Variants in HCFC1 observed in about 807,000 individuals in gnomAD.
The protein encoded by HCFC1 is host cell factor C1.
HCFC1 carries 7 observed loss-of-function variants against 105.5 expected under a neutral mutation model. The ratio of observed to expected loss-of-function variants is 0.07; its 90% CI spans 0.04 to 0.12. The LOEUF (loss-of-function observed/expected upper bound fraction) is 0.12, where lower values mean the gene tolerates loss of function less well. Among genes scored for constraint, HCFC1 ranks in the 10% least tolerant of loss-of-function variants. The pLI is 1.00. For missense variants in HCFC1, 1,065 were observed against 1,823.6 expected (o/e 0.58, Z 7.58); for synonymous variants, 918 against 828.1 (o/e 1.11, Z -1.86).
rs1168794064 is a variant in HCFC1, at chrX:153,948,681, T to C, written c.*666A>G. The C allele has an allele frequency of 8.9e-6, 1 of 112,983 alleles. No individual in the cohort carries two copies. The highest frequency in any genetic ancestry group is 1.9e-5 in the Non-Finnish European group (1 of 53,317). The allele number at this position is 112,983 out of a possible 1,213,427, so 9.3% of individuals were successfully genotyped here. A position where few individuals can be genotyped will look rare whatever the true frequency, so the allele number is the denominator to read the frequency against. On this transcript the variant is annotated 3_prime_UTR_variant, in exon 26 of 26. Transcript: ENST00000310441. ...TGGCAGTGCGGCCTGCAGGGAGGTCTGCACAGGCGCTGCCCAGGCCGCCGC... is the reference window on the plus strand; with the variant it reads ...TGGCAGTGCGGCCTGCAGGGAGGTCCGCACAGGCGCTGCCCAGGCCGCCGC...
Position 153,956,778 on chromosome X carries a change from G to T in HCFC1, c.2497-15C>A, listed in dbSNP as rs1427689745. On this transcript the variant is annotated splice_polypyrimidine_tract_variant and intron_variant, in intron 14 of 25. Coordinates refer to ENST00000310441, the MANE Select transcript of HCFC1 (RefSeq NM_005334.3). ...TTAAGCACCACCTGGAACACCAGAG[G>T]AAAGTGCCACCAACGTCACCACCAG... 8.3e-7 allele frequency: 1 copy of T among 1,208,479 alleles called. No homozygotes were observed. The highest frequency in any genetic ancestry group is 1.7e-5 in the African/African-American group (1 of 57,234).
At chrX:153,956,594 G>T (rs2065379440) in intron 15 of HCFC1, 31 bp downstream of exon 15, 1 of 1,208,402 alleles carries the variant, frequency 8.3e-7, no homozygotes, top group Non-Finnish European at 1.1e-6. Context: ...TAATCTAGGG[G>T]TGGCAGGGGA....
intron 9 of HCFC1, 106 bp downstream of exon 9, chrX:153,959,225 G>A: frequency 1.2e-6 from 1 of 838,280 alleles, no homozygotes; most frequent in Non-Finnish European, 1.7e-6. Flanking sequence ...AAGGTGTGGG[G>A]TGCGTGGTAC....
chrX:153,963,145 C>T, intron 4 of HCFC1, 80 bp downstream of exon 4: 1 of 753,803 alleles, frequency 1.3e-6, no homozygotes, highest in South Asian at 2.2e-5. Flanking sequence ...CCTCACCATA[C>T]AACAGCGCCA....
In HCFC1 at chrX:153,948,944, A is replaced by C. The variant is rs1222733441; in HGVS notation, c.*403T>G. On this transcript the variant is annotated 3_prime_UTR_variant, in exon 26 of 26. Coordinates refer to ENST00000310441, the MANE Select transcript of HCFC1 (RefSeq NM_005334.3). ...CCCAGGCCAGGGTGCCAGGAAAGCC[A>C]CTCTGGGGAGGGCCAAGAGGGACGC... The C allele has an allele frequency of 8.5e-6, 1 of 118,102 alleles. No individual in the cohort carries two copies. The highest frequency in any genetic ancestry group is 1.7e-5 in the Non-Finnish European group (1 of 58,094). 9.7% of individuals were successfully genotyped at this position (118,102 alleles called of 1,213,427 possible). A position where few individuals can be genotyped will look rare whatever the true frequency, so the allele number is the denominator to read the frequency against.
rs782659828 is a variant in HCFC1 at position 153,960,340 on chromosome X, C to A, written c.979G>T (p.Ala327Ser). The A allele has an allele frequency of 8.3e-7, 1 of 1,203,146 alleles. No individual in the cohort carries two copies. The highest frequency in any genetic ancestry group is 1.8e-5 in the African/African-American group (1 of 56,749). The change falls in exon 7 of 26, where the codon GCA becomes TCA. Residue 327 changes from alanine to serine, a missense_variant. This residue lies in a region of HCFC1 where 18 missense variants were observed against 40.1 expected (regional missense o/e 0.45). Coordinates refer to ENST00000310441, the MANE Select transcript of HCFC1 (RefSeq NM_005334.3). ...TACAGGCGGGTGTTGATGGCGACTG[C>A]GCAGTGGCCAGCCCGAGCACGGGGG... ...NIPRARAGHC[A>S]VAINTRLYIW... is the part of the protein sequence containing the mutation.
Position 153,949,311 on chromosome X carries a change from G to T in HCFC1, c.*36C>A, listed in dbSNP as rs200977867. On this transcript the variant is annotated 3_prime_UTR_variant, in exon 26 of 26. Transcript: ENST00000310441. ...TGGCGGGTGTTCCTGAAGCAGGGGG[G>T]TCTGGAGAAGAATCCAGGGGCTAGT... 1.3e-5 allele frequency: 15 copies of T among 1,164,795 alleles called. No homozygotes were observed. In the South Asian group the frequency reaches 2.0e-4, roughly 15 times the overall value.
rs3027878 is a variant in HCFC1, at chrX:153,952,914, C to A, written c.4542G>T (p.Leu1514=). Residue 1514 remains leucine (L), a synonymous_variant, in exon 19 of 26, where the codon CTG becomes CTT. Transcript: ENST00000310441. The stretch of plus-strand genomic sequence containing the variant: ...CCGACTGCAGAAGCTGCCGTGGCGG[C>A]AGCTGCTGGCGAGGACCTGGCGACA... ...LQVSPGPRQQ[L]PPRQLLQSAS... 217,260 of 1,178,047 alleles carry A rather than the reference C, an allele frequency of 0.18. 21,618 individuals are homozygous for A. Among genetic ancestry groups the A allele is most frequent in the East Asian group, 0.74 (23,523 of 31,747 alleles).
In HCFC1 at chrX:153,971,740, C is replaced by G. The variant is rs917713501; in HGVS notation, c.-900G>C. The G allele has an allele frequency of 1.0e-5, 3 of 296,897 alleles. No individual in the cohort carries two copies. Among genetic ancestry groups the G allele is most frequent in the African/African-American group, 8.1e-5 (3 of 36,892 alleles). 24.5% of individuals were successfully genotyped at this position (296,897 alleles called of 1,213,427 possible). A position where few individuals can be genotyped will look rare whatever the true frequency, so the allele number is the denominator to read the frequency against. ...GCTTCAAAGAGCTAGAGTTAGGCCC[C>G]GAAGCGGCAACTGTACGGCAGAAGA... On this transcript the variant is annotated 5_prime_UTR_variant, in exon 1 of 26. Coordinates refer to ENST00000310441, the MANE Select transcript of HCFC1 (RefSeq NM_005334.3).
In HCFC1 at chrX:153,949,504, A is replaced by G. The variant is rs2065289414; in HGVS notation, c.6068+49T>C. 11 of 1,174,509 alleles carry G rather than the reference A, an allele frequency of 9.4e-6. No individual in the cohort carries two copies. In the Admixed American group the frequency reaches 2.4e-4, roughly 26 times the overall value. ...ATTTGACAAGAGGCTGAACCCAGCTATTTCCACCCCTAGTCTCAGAAGGTT... is the reference window on the plus strand; with the variant it reads ...ATTTGACAAGAGGCTGAACCCAGCTGTTTCCACCCCTAGTCTCAGAAGGTT... On this transcript the variant is annotated intron_variant, in intron 25 of 25. Coordinates refer to ENST00000310441, the MANE Select transcript of HCFC1 (RefSeq NM_005334.3).
intron 4 of HCFC1, 44 bp from the exon 5 acceptor site, chrX:153,962,350 A>G: frequency 1.0e-6 from 1 of 970,804 alleles, no homozygotes; most frequent in Non-Finnish European, 1.5e-6. Context: ...GGTAGACTGC[A>G]CACAGGTCGT....
Position 153,953,782 on chromosome X carries a change from ACAGG to A in HCFC1, c.4334-16_4334-13del. 8.4e-7 allele frequency: 1 copy of A among 1,194,360 alleles called. No homozygotes were observed. ...AGCAGGTGGGGGGTCTGTGGGGGCG[ACAGG>A]CAGGCGGCTGCTCAGCAGGAGCCCC... On this transcript the variant is annotated splice_polypyrimidine_tract_variant and intron_variant, in intron 17 of 25. Transcript: ENST00000310441.
chrX:153,963,152 G>T, intron 4 of HCFC1, 73 bp downstream of exon 4: 1 of 792,578 alleles, frequency 1.3e-6, no homozygotes, highest in Non-Finnish European at 1.9e-6. Context: ...ATACAACAGC[G>T]CCACCCACGG....
Position 153,947,875 on chromosome X carries a change from T to C in HCFC1, c.*1472A>G, listed in dbSNP as rs1335583767. Reference sequence around the variant, plus strand: ...GGAAAGATTGGCTGCTCGGTTCAAATCCTTCTGACTTGCTGGCAAGCCTTG... The same window carrying C: ...GGAAAGATTGGCTGCTCGGTTCAAACCCTTCTGACTTGCTGGCAAGCCTTG... On this transcript the variant is annotated 3_prime_UTR_variant, in exon 26 of 26. Transcript: ENST00000310441. 9.0e-6 allele frequency: 1 copy of C among 111,532 alleles called. No homozygotes were observed. 9.2% of individuals were successfully genotyped at this position (111,532 alleles called of 1,213,427 possible). A position where few individuals can be genotyped will look rare whatever the true frequency, so the allele number is the denominator to read the frequency against.
rs375241541 is a variant in HCFC1 at position 153,957,294 on chromosome X, A to G, written c.2353+20T>C. 8.6e-7 allele frequency: 1 copy of G among 1,157,939 alleles called. No homozygotes were observed. Among genetic ancestry groups the G allele is most frequent in the Non-Finnish European group, 1.2e-6 (1 of 856,801 alleles). ...CCAGTGAGGACTTGCAGACACTCAT[A>G]TGTCGGGGGAGGCCCCTACCCGTGG... On this transcript the variant is annotated intron_variant, in intron 13 of 25. Coordinates refer to ENST00000310441, the MANE Select transcript of HCFC1 (RefSeq NM_005334.3).
At chrX:153,949,668 A>AG (rs782398176) in intron 24 of HCFC1, 52 bp from the exon 25 acceptor site, 157 of 1,055,747 alleles carry the variant, frequency 1.5e-4, no homozygotes, top group Non-Finnish European at 2.0e-4. Context: ...AACGAGAGCA[A>AG]GGAACACATG....
intron 16 of HCFC1, among the ~76,000 whole-genome samples, chrX:153,955,869 C>A (rs1433725858): frequency 1.8e-5 from 2 of 113,124 alleles, no homozygotes; most frequent in African/African-American, 6.4e-5. Flanking sequence ...ACAAACGTTT[C>A]ACCGTTTTCC....
chrX:153,968,142 G>A (rs1360552458), intron 1 of HCFC1, among the ~76,000 whole-genome samples: 2 of 111,308 alleles, frequency 1.8e-5, no homozygotes, highest in Non-Finnish European at 3.8e-5. Flanking sequence ...AGCCACCGTA[G>A]CCAAAGCTCT....
chrX:153,965,376 G>A (rs1187000246), intron 1 of HCFC1, among the ~76,000 whole-genome samples: 2 of 95,670 alleles, frequency 2.1e-5, no homozygotes, highest in East Asian at 3.2e-4. Flanking sequence ...AGCTCATGAG[G>A]GTGAGGCGAC....
Sources: gnomAD v4.1 joint callset for allele counts (sites outside exome capture counted in the v4.1 genomes callset) on GRCh38, gnomAD v4.1.1 for gene constraint, gnomAD v4.1.1 regional missense constraint, MANE v1.5 for transcripts, NCBI Gene and HGNC (gene_info 2026-07-23, HGNC 2026-07-21) for gene names.